The following ERC2 variants were observed in gnomAD, a reference collection of about 807,000 sequenced individuals.
ERC2 encodes the protein ELKS/RAB6-interacting/CAST family member 2.
A neutral mutation model predicts 114.8 loss-of-function variants in ERC2; 42 were observed. That is an observed-to-expected ratio of 0.37 (90% CI 0.29 to 0.47). The LOEUF (loss-of-function observed/expected upper bound fraction) is 0.47. Among genes scored for constraint, ERC2 ranks in the 20% least tolerant of loss-of-function variants. The pLI is 0.99. For missense variants in ERC2, 939 were observed against 1,150.7 expected (o/e 0.82, Z 2.66); for synonymous variants, 454 against 425.5 (o/e 1.07, Z -0.82).
At chr3:56,285,606 G>A (rs779902525) in intron 3 of ERC2, among the ~76,000 whole-genome samples, 2 of 152,196 alleles carry the variant, frequency 1.3e-5, no homozygotes, top group Non-Finnish European at 2.9e-5. Flanking sequence ...CCTGGGGGCA[G>A]GAAGAAGGGC....
At chr3:55,640,203 T>C (rs1239485665) in intron 17 of ERC2, among the ~76,000 whole-genome samples, 1 of 152,230 alleles carries the variant, frequency 6.6e-6, no homozygotes. Context: ...GACTTCCTGC[T>C]TCCTTGATAG....
chr3:55,621,160 C>T (rs945633193), intron 17 of ERC2, among the ~76,000 whole-genome samples: 10 of 152,108 alleles, frequency 6.6e-5, no homozygotes, highest in African/African-American at 2.4e-4. Flanking sequence ...AACTGCCCCC[C>T]CTCCAGCCAG....
At chr3:56,405,884 T>C (rs1352120241) in intron 2 of ERC2, among the ~76,000 whole-genome samples, 1 of 141,160 alleles carries the variant, frequency 7.1e-6, no homozygotes, top group African/African-American at 2.7e-5. Flanking sequence ...TGAACTTTTT[T>C]TTCTTTTTTT....
At chr3:55,834,988 T>C (rs538777024) in intron 14 of ERC2, among the ~76,000 whole-genome samples, 142 of 151,070 alleles carry the variant, frequency 9.4e-4, no homozygotes, top group Middle Eastern at 3.4e-3. Flanking sequence ...GCAAATAAAC[T>C]AGAAAATCTA....
intron 17 of ERC2, among the ~76,000 whole-genome samples, chr3:55,522,020 G>T (rs910705981): frequency 1.3e-5 from 2 of 152,228 alleles, no homozygotes; most frequent in Non-Finnish European, 2.9e-5. Flanking sequence ...AGTCATCATT[G>T]TCAGTGATCT....
At chr3:56,249,540 ATG>A in intron 3 of ERC2, among the ~76,000 whole-genome samples, 2 of 152,000 alleles carry the variant, frequency 1.3e-5, no homozygotes, top group South Asian at 4.2e-4. Flanking sequence ...GTTAGCCAGG[ATG>A]GTCTCGATCT....
intron 3 of ERC2, among the ~76,000 whole-genome samples, chr3:56,175,563 C>A (rs111660003): frequency 1.3e-5 from 2 of 152,058 alleles, no homozygotes; most frequent in Non-Finnish European, 2.9e-5. Context: ...ATGTCCCTAG[C>A]GCTGCTTGTC....
intron 14 of ERC2, among the ~76,000 whole-genome samples, chr3:55,802,932 C>T (rs1445329262): frequency 6.6e-6 from 1 of 152,176 alleles, no homozygotes; most frequent in Non-Finnish European, 1.5e-5. Context: ...GTTTCTCTTC[C>T]TGAATATACG....
At chr3:56,408,804 C>A (rs1165011494) in intron 2 of ERC2, among the ~76,000 whole-genome samples, 2 of 152,206 alleles carry the variant, frequency 1.3e-5, no homozygotes, top group Non-Finnish European at 1.5e-5. Context: ...TGGCTAAAGC[C>A]TGAGAGGGCA....
chr3:55,774,788 A>G (rs886943736), intron 14 of ERC2, among the ~76,000 whole-genome samples: 27 of 152,214 alleles, frequency 1.8e-4, no homozygotes, highest in Admixed American at 1.7e-3. Flanking sequence ...TTTTCCATTT[A>G]AAAAGAAAGT....
At chr3:55,520,452 A>AAAG (rs55692324) in intron 17 of ERC2, among the ~76,000 whole-genome samples, 1 of 151,020 alleles carries the variant, frequency 6.6e-6, no homozygotes, top group African/African-American at 2.4e-5. Flanking sequence ...AAAAAAAAAA[A>AAAG]TCTAAGAAGA....
intron 14 of ERC2, among the ~76,000 whole-genome samples, chr3:55,847,591 C>A (rs2149232241): frequency 6.6e-6 from 1 of 151,980 alleles, no homozygotes; most frequent in South Asian, 2.1e-4. Flanking sequence ...ATGCTGGGAA[C>A]CAAGCTGACT....
intron 14 of ERC2, among the ~76,000 whole-genome samples, chr3:55,751,780 A>C (rs1239704502): frequency 6.6e-6 from 1 of 152,228 alleles, no homozygotes; most frequent in East Asian, 1.9e-4. Context: ...GTGTTGGTAC[A>C]AACAACAGAA....
chr3:55,637,069 T>C (rs1440064268), intron 17 of ERC2, among the ~76,000 whole-genome samples: 1 of 152,194 alleles, frequency 6.6e-6, no homozygotes, highest in East Asian at 1.9e-4. Flanking sequence ...TCCTGGGGAC[T>C]GGCCCATCCA....
chr3:55,661,458 C>G (rs1013828129), intron 17 of ERC2, among the ~76,000 whole-genome samples: 4 of 152,172 alleles, frequency 2.6e-5, no homozygotes, highest in African/African-American at 9.7e-5. Context: ...CTCTCCTCCC[C>G]CTTGGGACCT....
intron 15 of ERC2, among the ~76,000 whole-genome samples, chr3:55,717,053 G>C (rs115858890): frequency 1.3e-5 from 2 of 152,158 alleles, no homozygotes; most frequent in African/African-American, 4.8e-5. Flanking sequence ...CCCTAGAGTA[G>C]GTATTCAGTG....
intron 6 of ERC2, among the ~76,000 whole-genome samples, chr3:56,101,168 A>G (rs573684507): frequency 6.6e-6 from 1 of 152,316 alleles, no homozygotes; most frequent in South Asian, 2.1e-4. Context: ...ATAATCAGAG[A>G]TGAGTGGGCA....
intron 16 of ERC2, among the ~76,000 whole-genome samples, chr3:55,685,944 A>C (rs2062307654): frequency 6.6e-6 from 1 of 152,246 alleles, no homozygotes; most frequent in South Asian, 2.1e-4. Flanking sequence ...TTTTTAAAAG[A>C]GAAGAAAGTA....
intron 7 of ERC2, among the ~76,000 whole-genome samples, chr3:56,035,537 G>A (rs567788413): frequency 8.5e-5 from 13 of 152,358 alleles, no homozygotes; most frequent in South Asian, 2.1e-4. Flanking sequence ...GACATTTTGA[G>A]AGATGTTTAA....
Sources: gnomAD v4.1 joint callset for allele counts (sites outside exome capture counted in the v4.1 genomes callset) on GRCh38, gnomAD v4.1.1 for gene constraint, MANE v1.5 for transcripts, NCBI Gene and HGNC (gene_info 2026-07-23, HGNC 2026-07-21) for gene names.